Variants in VOPP1 observed in about 807,000 individuals in gnomAD.
The protein encoded by VOPP1 is WW domain binding protein VOPP1.
A neutral mutation model predicts 23.5 loss-of-function variants in VOPP1; 8 were observed. That is an observed-to-expected ratio of 0.34 (90% CI 0.20 to 0.61). The LOEUF is 0.61. Among genes scored for constraint, VOPP1 ranks in the 20% least tolerant of loss-of-function variants. The pLI, the probability that VOPP1 is intolerant of heterozygous loss-of-function variation, is 0.78. For missense variants in VOPP1, 174 were observed against 238.1 expected (o/e 0.73, Z 1.77); for synonymous variants, 83 against 97.3 (o/e 0.85, Z 0.86).
At chr7:55,456,784 C>T (rs537108713) in intron 4 of VOPP1, among the ~76,000 whole-genome samples, 1 of 152,108 alleles carries the variant, frequency 6.6e-6, no homozygotes, top group Non-Finnish European at 1.5e-5. Flanking sequence ...GAACATCACA[C>T]ACCAGGGCCT....
At chr7:55,510,869 C>T (rs1433851958) in intron 2 of VOPP1, among the ~76,000 whole-genome samples, 4 of 152,130 alleles carry the variant, frequency 2.6e-5, no homozygotes, top group African/African-American at 9.7e-5. Flanking sequence ...TGCTCCACCC[C>T]GCTTCAAAGA....
chr7:55,543,858 G>A (rs528865969), intron 1 of VOPP1, among the ~76,000 whole-genome samples: 15 of 152,248 alleles, frequency 9.9e-5, no homozygotes, highest in South Asian at 8.3e-4. Flanking sequence ...CATTCTGTGG[G>A]TTGTCTTTTC....
At chr7:55,509,937 C>A (rs554691661) in intron 2 of VOPP1, among the ~76,000 whole-genome samples, 34 of 152,206 alleles carry the variant, frequency 2.2e-4, no homozygotes, top group Non-Finnish European at 4.4e-4. Flanking sequence ...AGGAGTTGGA[C>A]TCTGTCTTGC....
chr7:55,510,711 C>T (rs1057205566), intron 2 of VOPP1, among the ~76,000 whole-genome samples: 4 of 151,928 alleles, frequency 2.6e-5, no homozygotes, highest in Admixed American at 6.6e-5. Flanking sequence ...GCCCCTCAGA[C>T]GGCGTTTGAG....
intron 4 of VOPP1, among the ~76,000 whole-genome samples, chr7:55,453,001 T>C (rs1791281267): frequency 6.6e-6 from 1 of 152,190 alleles, no homozygotes; most frequent in Non-Finnish European, 1.5e-5. Flanking sequence ...AGCTACAAAG[T>C]CCTAGATGGC....
intron 1 of VOPP1, among the ~76,000 whole-genome samples, chr7:55,527,299 T>C (rs577218845): frequency 2.6e-5 from 4 of 152,306 alleles, no homozygotes; most frequent in African/African-American, 9.6e-5. Context: ...CCTTGATTTT[T>C]TTAGAGATGA....
chr7:55,514,986 C>A (rs1384568347), intron 2 of VOPP1, among the ~76,000 whole-genome samples: 2 of 152,206 alleles, frequency 1.3e-5, no homozygotes, highest in African/African-American at 2.4e-5. Context: ...CTGTGTAACA[C>A]ACTTGCACCT....
At chr7:55,550,810 A>G in intron 1 of VOPP1, among the ~76,000 whole-genome samples, 1 of 152,242 alleles carries the variant, frequency 6.6e-6, no homozygotes, top group Admixed American at 6.5e-5. Context: ...GAAGGAAAAC[A>G]TGACCTATTT....
chr7:55,447,461 G>T (rs1445075200), intron 4 of VOPP1, among the ~76,000 whole-genome samples: 1 of 152,192 alleles, frequency 6.6e-6, no homozygotes, highest in African/African-American at 2.4e-5. Context: ...GGTGAGGTCT[G>T]TATGTCCTCA....
At chr7:55,488,371 A>G (rs1583888124) in intron 4 of VOPP1, among the ~76,000 whole-genome samples, 1 of 151,968 alleles carries the variant, frequency 6.6e-6, no homozygotes, top group African/African-American at 2.4e-5. Flanking sequence ...CCTCTGCACA[A>G]CCCGGCCAGG....
At chr7:55,570,432 C>G (rs981566113) in intron 1 of VOPP1, among the ~76,000 whole-genome samples, 7 of 152,128 alleles carry the variant, frequency 4.6e-5, no homozygotes, top group Admixed American at 1.3e-4. Flanking sequence ...ACACTTCTGC[C>G]TTTAAGGTCG....
At chr7:55,450,136 G>A (rs902505588) in intron 4 of VOPP1, among the ~76,000 whole-genome samples, 2 of 152,198 alleles carry the variant, frequency 1.3e-5, no homozygotes, top group Non-Finnish European at 2.9e-5. Flanking sequence ...ACTCCTTCCA[G>A]GGACCCCTGA....
chr7:55,462,651 T>TTA (rs1160972188), intron 4 of VOPP1, among the ~76,000 whole-genome samples: 62 of 143,876 alleles, frequency 4.3e-4, no homozygotes, highest in African/African-American at 1.4e-3. Context: ...AAACTCTTGA[T>TTA]TATATTTTTT....
intron 1 of VOPP1, among the ~76,000 whole-genome samples, chr7:55,542,155 A>T (rs1797160872): frequency 6.6e-6 from 1 of 152,208 alleles, no homozygotes; most frequent in Non-Finnish European, 1.5e-5. Context: ...AGTTGTACAT[A>T]TTTATGGGCT....
At chr7:55,534,240 C>T (rs1796653765) in intron 1 of VOPP1, among the ~76,000 whole-genome samples, 1 of 151,122 alleles carries the variant, frequency 6.6e-6, no homozygotes, top group African/African-American at 2.4e-5. Flanking sequence ...GACAGACATT[C>T]CTTAGGCCTA....
At chr7:55,552,177 T>C (rs532487704) in intron 1 of VOPP1, among the ~76,000 whole-genome samples, 1 of 152,290 alleles carries the variant, frequency 6.6e-6, no homozygotes, top group South Asian at 2.1e-4. Context: ...TGCTAGTTAT[T>C]AACATGCACT....
chr7:55,549,944 G>C (rs1797534207), intron 1 of VOPP1, among the ~76,000 whole-genome samples: 1 of 152,116 alleles, frequency 6.6e-6, no homozygotes, highest in African/African-American at 2.4e-5. Context: ...TCACTGCAGA[G>C]ACTGCCTACC....
rs199539089 is a variant in VOPP1 at position 55,497,704 on chromosome 7, C to T, written c.114-14G>A. On this transcript the variant is annotated splice_polypyrimidine_tract_variant and intron_variant, in intron 2 of 4. Coordinates refer to ENST00000285279, the MANE Select transcript of VOPP1 (RefSeq NM_030796.5). ...TAGGAGCGGCATCTGTGGAGAGAGG[C>T]ACAGGCTGGTCAGCACTGAATTGGA... The T allele has an allele frequency of 9.3e-6, 15 of 1,613,728 alleles. No individual in the cohort carries two copies. In the African/African-American group the frequency reaches 2.0e-4, roughly 22 times the overall value.
intron 4 of VOPP1, among the ~76,000 whole-genome samples, chr7:55,439,671 C>T (rs1453230563): frequency 6.6e-6 from 1 of 152,206 alleles, no homozygotes; most frequent in Non-Finnish European, 1.5e-5. Flanking sequence ...GCGCCAACAC[C>T]GCTGTGGGTG....
Sources: allele counts gnomAD v4.1 joint callset (sites outside exome capture counted in the v4.1 genomes callset), GRCh38; gene constraint gnomAD v4.1.1; transcripts MANE v1.5; gene names NCBI Gene and HGNC (gene_info 2026-07-23, HGNC 2026-07-21).